Variants in TET3 observed in about 807,000 individuals in gnomAD.
TET3 encodes the protein tet methylcytosine dioxygenase 3, also known as methylcytosine dioxygenase TET3.
In TET3, 19 loss-of-function variants were observed where a neutral mutation model predicts 141.4. That is an observed-to-expected ratio of 0.13 (90% CI 0.09 to 0.20). The LOEUF (loss-of-function observed/expected upper bound fraction) is 0.20. TET3 is among the 10% of genes least tolerant of loss of function. The pLI is 1.00. For synonymous variants in TET3, 1,043 were observed against 980.9 expected (o/e 1.06, Z -1.18); for missense variants, 1,874 against 2,356.9 (o/e 0.80, Z 4.24).
chr2:74,002,314 C>T (rs1684889161), intron 2 of TET3, among the ~76,000 whole-genome samples: 1 of 152,218 alleles, frequency 6.6e-6, no homozygotes, highest in Admixed American at 6.5e-5. Flanking sequence ...GGTGCCGTCC[C>T]AGCTGCTGCC....
At position 74,034,839 on chromosome 2, in the gene TET3, A is replaced by G. The variant is rs553801637; in HGVS notation, c.361-11439A>G. Among the ~76,000 whole-genome samples, 339 of 152,214 alleles carry G rather than the reference A, an allele frequency of 2.2e-3. 1 individual carries two copies. Among genetic ancestry groups the G allele is most frequent in the African/African-American group, 7.6e-3 (316 of 41,520 alleles). On this transcript the variant is annotated intron_variant, in intron 3 of 11. Coordinates refer to ENST00000409262, the MANE Select transcript of TET3 (RefSeq NM_001287491.2). ...TGCATGTTTGACATTAAAAGGTAGC[A>G]CCACAAACCTTTTCAAAGTATTTGT...
intron 4 of TET3, among the ~76,000 whole-genome samples, chr2:74,048,700 G>A (rs1345722671): frequency 2.6e-5 from 4 of 152,176 alleles, no homozygotes; most frequent in Non-Finnish European, 5.9e-5. Context: ...TACTTGCGCC[G>A]AGCCCTACAG....
At chr2:74,078,371 A>G (rs73951136) in intron 5 of TET3, among the ~76,000 whole-genome samples, 1,863 of 152,314 alleles carry the variant, frequency 0.012, 37 homozygotes, top group African/African-American at 0.042. Context: ...ATTAATATGT[A>G]TATAGAGAAG....
intron 4 of TET3, among the ~76,000 whole-genome samples, chr2:74,051,819 T>C (rs2103736687): frequency 6.6e-6 from 1 of 152,256 alleles, no homozygotes; most frequent in Middle Eastern, 3.4e-3. Flanking sequence ...ACCTAGGCAG[T>C]TGGACTCTTA....
chr2:74,113,816 T>C, the TET3 span, among the ~76,000 whole-genome samples: 1 of 150,064 alleles, frequency 6.7e-6, no homozygotes, highest in African/African-American at 2.5e-5. Flanking sequence ...TACAAACAAA[T>C]GGAAAGACAT....
chr2:74,075,133 G>A (rs1243333558), intron 5 of TET3, among the ~76,000 whole-genome samples: 2 of 152,122 alleles, frequency 1.3e-5, no homozygotes, highest in African/African-American at 4.8e-5. Context: ...GCCTCCCAAA[G>A]TGCTGGGATT....
At chr2:74,118,248 C>G in the TET3 span, among the ~76,000 whole-genome samples, 3 of 152,152 alleles carry the variant, frequency 2.0e-5, no homozygotes, top group African/African-American at 7.2e-5. Context: ...GGCACCCACA[C>G]GTAGTGCCTC....
chr2:74,062,148 C>G (rs183337025), intron 4 of TET3, among the ~76,000 whole-genome samples: 1,946 of 152,334 alleles, frequency 0.013, 37 homozygotes, highest in African/African-American at 0.043. Context: ...ACTGAGTGAA[C>G]CAGACTCCGT....
At chr2:74,076,445 T>G (rs956727889) in intron 5 of TET3, among the ~76,000 whole-genome samples, 2 of 76,242 alleles carry the variant, frequency 2.6e-5, no homozygotes, top group Non-Finnish European at 5.4e-5. Context: ...CTCTGGGTTT[T>G]TTTTTTTTTT....
upstream of TET3, among the ~76,000 whole-genome samples, chr2:73,984,181 G>C (rs1418398020): frequency 6.6e-6 from 1 of 152,216 alleles, no homozygotes; most frequent in Non-Finnish European, 1.5e-5. The surrounding 1 kb of genome is among the most constrained non-coding windows in gnomAD (Gnocchi z 5.6). Context: ...TCCGCGACGC[G>C]CCCGTTCCCC....
intron 10 of TET3, among the ~76,000 whole-genome samples, chr2:74,097,408 T>C (rs887214431): frequency 2.6e-5 from 4 of 152,176 alleles, no homozygotes; most frequent in Non-Finnish European, 5.9e-5. Context: ...GTCATAAAAC[T>C]CGCAAAAGAA....
chr2:74,045,647 G>A (rs185320913), intron 3 of TET3, among the ~76,000 whole-genome samples: 1 of 152,276 alleles, frequency 6.6e-6, no homozygotes, highest in African/African-American at 2.4e-5. Flanking sequence ...TCAGATCATC[G>A]GCGTTTCCCT....
chr2:74,019,340 T>G (rs1233834286), intron 3 of TET3, among the ~76,000 whole-genome samples: 1 of 152,260 alleles, frequency 6.6e-6, no homozygotes, highest in East Asian at 1.9e-4. Context: ...TTCCTAGATA[T>G]GCTGTAGCTG....
chr2:74,135,337 G>GCAC, the TET3 span: 1 of 609,228 alleles, frequency 1.6e-6, no homozygotes, highest in South Asian at 2.1e-5. Flanking sequence ...CTCTGTAGCA[G>GCAC]GACAGAACTG....
rs1384837816 is a variant in TET3 at position 74,101,177 on chromosome 2, G to C, written c.4389G>C (p.Glu1463Asp). 3 of 1,613,732 alleles carry C rather than the reference G, an allele frequency of 1.9e-6. No individual in the cohort carries two copies. Among genetic ancestry groups the C allele is most frequent in the Non-Finnish European group, 2.5e-6 (3 of 1,179,882 alleles). ...GGSWGVFSSG[E>D]SPAIVPDKLS... ...GCTGGGGTGTGTTCTCGTCTGGGGAGAGTCCTGCCATCGTCCCTGACAAGC... is the reference window on the plus strand; with the variant it reads ...GCTGGGGTGTGTTCTCGTCTGGGGACAGTCCTGCCATCGTCCCTGACAAGC... Residue 1463 changes from glutamate to aspartate, a missense_variant, in exon 12 of 12, where the codon GAG becomes GAC. This residue lies in a region of TET3 where 602 missense variants were observed against 590.2 expected (regional missense o/e 1.02). Transcript: ENST00000409262. The surrounding 1 kb of genome is among the most constrained non-coding windows in gnomAD (Gnocchi z 8.5).
intron 4 of TET3, among the ~76,000 whole-genome samples, chr2:74,060,678 G>T (rs1036310970): frequency 1.3e-5 from 2 of 152,082 alleles, no homozygotes; most frequent in African/African-American, 2.4e-5. Flanking sequence ...GCGGCCTTCC[G>T]CAGTGTTTGT....
intron 6 of TET3, among the ~76,000 whole-genome samples, chr2:74,083,527 G>A (rs1056822745): frequency 3.3e-5 from 5 of 152,216 alleles, no homozygotes; most frequent in Admixed American, 2.6e-4. Context: ...CTAGAAGCTG[G>A]ATGAGCTGTT....
chr2:74,051,479 A>T (rs891384729), intron 4 of TET3, among the ~76,000 whole-genome samples: 2 of 152,222 alleles, frequency 1.3e-5, no homozygotes, highest in Admixed American at 6.5e-5. Context: ...CCTTTCCCTC[A>T]TGTGTTTTCT....
intron 4 of TET3, among the ~76,000 whole-genome samples, chr2:74,053,787 T>C (rs566743467): frequency 6.6e-6 from 1 of 152,326 alleles, no homozygotes. Context: ...TACAGTCGTG[T>C]AAAGTCTGTT....
Sources: allele counts gnomAD v4.1 joint callset (sites outside exome capture counted in the v4.1 genomes callset), GRCh38; gene constraint gnomAD v4.1.1; regional missense constraint gnomAD v4.1.1; non-coding constraint Gnocchi (gnomAD v3.1); transcripts MANE v1.5; gene names NCBI Gene and HGNC (gene_info 2026-07-23, HGNC 2026-07-21).